The following GTF3C2 variants were observed in gnomAD, a reference collection of about 807,000 sequenced individuals.
GTF3C2 encodes general transcription factor IIIC subunit 2.
Under a neutral mutation model 117.4 loss-of-function variants are expected in GTF3C2, and 17 were observed. The ratio of observed to expected loss-of-function variants is 0.14; its 90% CI spans 0.10 to 0.22. The LOEUF is 0.22. Among genes scored for constraint, GTF3C2 ranks in the 10% least tolerant of loss-of-function variants. The pLI, the probability that GTF3C2 is intolerant of heterozygous loss-of-function variation, is 1.00. For missense variants in GTF3C2, 888 were observed against 1,143.6 expected, an observed-to-expected ratio of 0.78 and a Z score of 3.22; for synonymous variants, 437 against 427.0, an observed-to-expected ratio of 1.02 and a Z score of -0.29.
intron 4 of GTF3C2, chr2:27,338,281 A>G: frequency 2.2e-6 from 1 of 448,252 alleles, no homozygotes; most frequent in Middle Eastern, 6.6e-4. Flanking sequence ...TTTGATTCAC[A>G]GGATTCCCTT....
At chr2:27,345,674 G>A (rs550169365) in intron 1 of GTF3C2, among the ~76,000 whole-genome samples, 19 of 151,996 alleles carry the variant, frequency 1.3e-4, no homozygotes, top group Admixed American at 4.6e-4. Context: ...GTAGACTATG[G>A]GACAATTAAG....
chr2:27,338,237 T>C (rs376610263), intron 4 of GTF3C2: 1 of 539,510 alleles, frequency 1.9e-6, no homozygotes, highest in Non-Finnish European at 3.3e-6. Flanking sequence ...CTGTTACCTA[T>C]TTTCTGTTCA....
intron 1 of GTF3C2, among the ~76,000 whole-genome samples, chr2:27,345,889 A>G (rs1680900744): frequency 6.7e-6 from 1 of 149,396 alleles, no homozygotes; most frequent in African/African-American, 2.5e-5. Flanking sequence ...AAATTTTTGT[A>G]TTTTTAGTAG....
At chr2:27,342,935 G>T in exon 3 of GTF3C2, 1 of 1,613,396 alleles carries the variant, frequency 6.2e-7, no homozygotes, top group Non-Finnish European at 8.5e-7. Flanking sequence ...GACAACTTCA[G>T]CAGCAGCAGC....
rs1680208411 is a variant in GTF3C2, at chr2:27,329,549, C to T, written c.1733-26G>A. The T allele has an allele frequency of 1.2e-6, 2 of 1,610,966 alleles. No homozygotes were observed. Among genetic ancestry groups the T allele is most frequent in the East Asian group, 2.2e-5 (1 of 44,844 alleles). On this transcript the variant is annotated intron_variant, in intron 12 of 18. Coordinates refer to ENST00000264720, the Ensembl canonical transcript of GTF3C2. The surrounding 1 kb of genome is among the most constrained non-coding windows in gnomAD (Gnocchi z 4.5). ...CTGAAATAAGGACAGAATGTGTGAG[C>T]ATTAAAAGCAAGTTCTCTCTTCCTT...
At position 27,338,023 on chromosome 2, in the gene GTF3C2, G is replaced by A. The variant is rs1193809014; in HGVS notation, c.856-3C>T. 14 of 1,589,276 alleles carry A rather than the reference G, an allele frequency of 8.8e-6. No individual in the cohort carries two copies. The highest frequency in any genetic ancestry group is 1.2e-5 in the Non-Finnish European group (14 of 1,157,442). On this transcript the variant is annotated splice_polypyrimidine_tract_variant and splice_region_variant and intron_variant, in intron 4 of 18. Transcript: ENST00000264720. ...CCTCGGCAGTGTGGTTTCTGTTTCT[G>A]AGGATCAAATTGAAGAAAATATAAG... is the stretch of plus-strand genomic sequence containing the variant.
chr2:27,326,716 C>T (rs766202890), exon 19 of GTF3C2: 2 of 1,614,124 alleles, frequency 1.2e-6, no homozygotes, highest in East Asian at 2.2e-5. Context: ...GGAGAGAAGC[C>T]AGGCCGTCTA....
Position 27,328,192 on chromosome 2 carries a change from G to T in GTF3C2, c.2257-3C>A. ...ATCAGATCTGCTTTATATATAGGCTGGAAAGGAGACCATGAAATTAGGTTC... is the reference window on the plus strand; with the variant it reads ...ATCAGATCTGCTTTATATATAGGCTTGAAAGGAGACCATGAAATTAGGTTC... On this transcript the variant is annotated splice_polypyrimidine_tract_variant and splice_region_variant and intron_variant, in intron 16 of 18. Transcript: ENST00000264720. 1 of 1,565,360 alleles carries T rather than the reference G, an allele frequency of 6.4e-7. No individual in the cohort carries two copies. Among genetic ancestry groups the T allele is most frequent in the Non-Finnish European group, 8.6e-7 (1 of 1,158,898 alleles).
At position 27,350,880 on chromosome 2, in the gene GTF3C2, C is replaced by T. The variant is rs562559977; in HGVS notation, c.-25+5859G>A. On this transcript the variant is annotated intron_variant, in intron 1 of 18. Transcript: ENST00000264720. ...AGGAGAATCGCTTGAATACAGGAGG[C>T]AGAGTTTGCAGTGAGCCGAGACTGC... Among the ~76,000 whole-genome samples, 32 of 147,804 alleles carry T rather than the reference C, an allele frequency of 2.2e-4. No homozygotes were observed. The South Asian group carries it at 5.5e-3, about 26-fold the overall frequency.
rs771642882 is a variant in GTF3C2 at position 27,342,108 on chromosome 2, G to A, written c.695C>T (p.Ala232Val). ...ATCCACCTCTTCTCCACCTGGACAG[G>A]CTGCTGGCTGCCGGATCTTCTTCGG... The change falls in exon 4 of 19, where the codon GCC becomes GTC. Residue 232 changes from alanine to valine, a missense_variant. This residue lies in a region of GTF3C2 where 393 missense variants were observed against 401.5 expected (regional missense o/e 0.98). Coordinates refer to ENST00000264720, the Ensembl canonical transcript of GTF3C2. 3.1e-6 allele frequency: 5 copies of A among 1,614,140 alleles called. No homozygotes were observed. Among genetic ancestry groups the A allele is most frequent in the Admixed American group, 3.3e-5 (2 of 60,010 alleles).
At chr2:27,331,325 C>T (rs773710347) in intron 12 of GTF3C2, among the ~76,000 whole-genome samples, 7 of 152,124 alleles carry the variant, frequency 4.6e-5, no homozygotes, top group Non-Finnish European at 8.8e-5. Flanking sequence ...TATCTAAAAA[C>T]AACACTGTCA....
intron 1 of GTF3C2, chr2:27,350,444 T>G (rs1162692670): frequency 2.0e-6 from 2 of 985,342 alleles, no homozygotes; most frequent in Non-Finnish European, 2.4e-6. Context: ...GGAAAAACAG[T>G]TGGTAGGAAC....
intron 3 of GTF3C2, 140 bp downstream of exon 3, chr2:27,342,686 A>G (rs185951728): frequency 1.7e-5 from 11 of 655,138 alleles, no homozygotes; most frequent in African/African-American, 3.6e-5. Context: ...GTAAGAGCCT[A>G]AAGGACTGCT....
At chr2:27,333,127 C>T (rs1183402030) in intron 12 of GTF3C2, among the ~76,000 whole-genome samples, 1 of 150,676 alleles carries the variant, frequency 6.6e-6, no homozygotes, top group African/African-American at 2.4e-5. Flanking sequence ...GAATTATAGG[C>T]ATGAGCCACC....
intron 15 of GTF3C2, 78 bp from the exon 16 acceptor site, chr2:27,328,674 A>G (rs1409850182): frequency 1.0e-5 from 13 of 1,258,408 alleles, no homozygotes; most frequent in Middle Eastern, 1.9e-4. Flanking sequence ...ACAGTCTGAG[A>G]GACAGACACA....
intron 17 of GTF3C2, 96 bp downstream of exon 17, chr2:27,327,941 T>C (rs1572561633): frequency 1.9e-6 from 2 of 1,049,162 alleles, no homozygotes; most frequent in East Asian, 5.2e-5. Flanking sequence ...TCCTTAGTTT[T>C]ACATCTTTGT....
Position 27,327,436 on chromosome 2 carries a change from C to G in GTF3C2, c.2410-152G>C, listed in dbSNP as rs184105498. ...TGCTTCCCAGGTTCAAGTGATTCTC[C>G]GCCTCAGCCTCCTGAGTAGCTGGGA... On this transcript the variant is annotated intron_variant, in intron 17 of 18. Coordinates refer to ENST00000264720, the Ensembl canonical transcript of GTF3C2. The G allele has an allele frequency of 5.0e-4, 230 of 461,046 alleles. 1 individual carries two copies. Among genetic ancestry groups the G allele is most frequent in the African/African-American group, 3.8e-3 (189 of 49,490 alleles). The allele number at this position is 461,046 out of a possible 1,614,324, so 28.6% of individuals were successfully genotyped here.
intron 1 of GTF3C2, among the ~76,000 whole-genome samples, chr2:27,350,903 T>C (rs1275102756): frequency 1.4e-5 from 2 of 147,168 alleles, no homozygotes; most frequent in Non-Finnish European, 3.0e-5. Flanking sequence ...GAGCCGAGAC[T>C]GCACCACTGC....
chr2:27,333,995 T>G (rs1180373324), exon 11 of GTF3C2: 2 of 1,609,424 alleles, frequency 1.2e-6, no homozygotes, highest in Non-Finnish European at 8.5e-7. Context: ...CAGGCTTCAC[T>G]GCATCTGTGA....
Sources: gnomAD v4.1 joint callset for allele counts (sites outside exome capture counted in the v4.1 genomes callset) on GRCh38, gnomAD v4.1.1 for gene constraint, gnomAD v4.1.1 regional missense constraint, Gnocchi (gnomAD v3.1) non-coding constraint, MANE v1.5 for transcripts, NCBI Gene and HGNC (gene_info 2026-07-23, HGNC 2026-07-21) for gene names.